The following GTF2IRD2 variants were observed in gnomAD, a reference collection of about 807,000 sequenced individuals.
The protein encoded by GTF2IRD2 is GTF2I repeat domain containing 2.
GTF2IRD2 carries 8 observed loss-of-function variants against 49.2 expected under a neutral mutation model. That is an observed-to-expected ratio of 0.16 (90% confidence interval 0.10 to 0.29). GTF2IRD2 has a LOEUF of 0.29. GTF2IRD2 is among the 10% of genes least tolerant of loss of function. GTF2IRD2 has a pLI of 1.00. For missense variants in GTF2IRD2, 130 were observed against 725.7 expected (o/e 0.18, Z 9.43); for synonymous variants, 47 against 289.7 (o/e 0.16, Z 8.51).
intron 1 of GTF2IRD2, among the ~76,000 whole-genome samples, chr7:74,842,623 T>C (rs1396635998): frequency 4.1e-5 from 6 of 145,002 alleles, no homozygotes; most frequent in African/African-American, 1.6e-4. Flanking sequence ...TGGAGTACAG[T>C]GGTGCAATCA....
intron 1 of GTF2IRD2, among the ~76,000 whole-genome samples, chr7:74,841,037 C>T (rs1224264593): frequency 7.3e-5 from 9 of 123,426 alleles, no homozygotes; most frequent in Admixed American, 1.7e-4. Flanking sequence ...TCAGTAGAGA[C>T]GGGGTTTCAC....
intron 2 of GTF2IRD2, among the ~76,000 whole-genome samples, chr7:74,835,956 G>A (rs2131787229): frequency 7.9e-6 from 1 of 126,924 alleles, no homozygotes; most frequent in East Asian, 2.0e-4. Context: ...CTGCACTCCA[G>A]CCTGGGCAGC....
At chr7:74,822,526 T>G in intron 5 of GTF2IRD2, 71 bp from the exon 6 acceptor site, 1 of 631,402 alleles carries the variant, frequency 1.6e-6, no homozygotes, top group South Asian at 1.8e-5. Flanking sequence ...AACAGTCAGC[T>G]CTGAAACGCA....
chr7:74,810,820 A>G, intron 10 of GTF2IRD2, 76 bp downstream of exon 10: 1 of 469,756 alleles, frequency 2.1e-6, no homozygotes. Context: ...AAAAAAAAGT[A>G]TGTTCTTTGT....
chr7:74,826,889 T>G (rs1467030700), intron 3 of GTF2IRD2, among the ~76,000 whole-genome samples: 4 of 150,546 alleles, frequency 2.7e-5, no homozygotes, highest in African/African-American at 4.9e-5. Context: ...CTTTTATAAT[T>G]TTAGTAGAGA....
At chr7:74,814,038 TC>T (rs1554417944) in intron 8 of GTF2IRD2, among the ~76,000 whole-genome samples, 1 of 70,464 alleles carries the variant, frequency 1.4e-5, no homozygotes, top group African/African-American at 3.2e-5. Context: ...ATCCCATGCT[TC>T]TTTTCTAGAA....
chr7:74,815,437 G>A (rs1433642694), intron 8 of GTF2IRD2, among the ~76,000 whole-genome samples: 4 of 85,104 alleles, frequency 4.7e-5, no homozygotes, highest in African/African-American at 1.2e-4. Flanking sequence ...GGGCGACAGC[G>A]AGACTCTGTC....
At chr7:74,813,372 C>T (rs1313758849) in intron 8 of GTF2IRD2, among the ~76,000 whole-genome samples, 1 of 17,892 alleles carries the variant, frequency 5.6e-5, no homozygotes, top group African/African-American at 2.4e-4. Flanking sequence ...AGCGAGACTC[C>T]ATCTCAAAAA....
At chr7:74,822,146 A>G in intron 6 of GTF2IRD2, 1 of 297,500 alleles carries the variant, frequency 3.4e-6, no homozygotes. Flanking sequence ...TCCCGGGTTC[A>G]CGCCATTCTC....
chr7:74,818,730 G>A (rs2529364), intron 8 of GTF2IRD2: 2 of 149,786 alleles, frequency 1.3e-5, no homozygotes, highest in Non-Finnish European at 2.9e-5. Flanking sequence ...AGTTACAGTC[G>A]TGAGCCCGCA....
At chr7:74,815,816 AAG>A (rs1375060224) in intron 8 of GTF2IRD2, among the ~76,000 whole-genome samples, 2 of 104,824 alleles carry the variant, frequency 1.9e-5, no homozygotes, top group Non-Finnish European at 4.1e-5. Context: ...GAAAGAAAGA[AAG>A]AAAGAAAGAA....
chr7:74,830,482 C>T lies in GTF2IRD2; in HGVS notation c.238+2323G>A, dbSNP rs371079798. 1.2e-3 allele frequency among the ~76,000 whole-genome samples: 176 copies of T among 143,968 alleles called. 6 individuals carry two copies. In the East Asian group the frequency reaches 0.032, roughly 26 times the overall value. The allele number at this position is 143,968 out of a possible 152,430, so 94.4% of individuals were successfully genotyped here. The stretch of plus-strand genomic sequence containing the variant: ...TCATGCCATTGCACTCCAGCCTGTC[C>T]GAAAGGGCAAAACTCTGTCTCAAAA... On this transcript the variant is annotated intron_variant, in intron 3 of 15. Transcript: ENST00000451013.
At chr7:74,826,757 G>GC (rs1554419755) in intron 3 of GTF2IRD2, among the ~76,000 whole-genome samples, 1 of 105,194 alleles carries the variant, frequency 9.5e-6, no homozygotes, top group African/African-American at 4.0e-5. Flanking sequence ...TGTTGCCTAA[G>GC]CTGGAGTGCA....
In GTF2IRD2 at chr7:74,819,900, C is replaced by A. The variant is rs1310147039; in HGVS notation, c.626+69G>T. 1.6e-5 allele frequency: 25 copies of A among 1,565,168 alleles called. No individual in the cohort carries two copies. The Middle Eastern group carries it at 9.1e-4, about 57-fold the overall frequency. The stretch of plus-strand genomic sequence containing the variant: ...ACTCCACTTAAATGCTGTAAGGAGG[C>A]CTTTCTGTCATCCAAAAACGAACGC... On this transcript the variant is annotated intron_variant, in intron 7 of 15. Transcript: ENST00000451013.
At position 74,815,864 on chromosome 7, in the gene GTF2IRD2, AAG is replaced by A. The variant is rs1334074407; in HGVS notation, c.671-3050_671-3049del. Among the ~76,000 whole-genome samples, 128 of 89,450 alleles carry A rather than the reference AAG, an allele frequency of 1.4e-3. 1 individual carries two copies. Among genetic ancestry groups the A allele is most frequent in the African/African-American group, 3.4e-3 (73 of 21,580 alleles). 58.7% of individuals were successfully genotyped at this position (89,450 alleles called of 152,430 possible). On this transcript the variant is annotated intron_variant, in intron 8 of 15. Transcript: ENST00000451013. ...AAAGAAAGAAAGAAAGAAAGAAAGAAAGAGAAAATAAATTAAAACCAGGGAGA... is the reference window on the plus strand; with the variant it reads ...AAAGAAAGAAAGAAAGAAAGAAAGAAAGAAAATAAATTAAAACCAGGGAGA...
chr7:74,825,831 C>G (rs1193213056), intron 3 of GTF2IRD2, among the ~76,000 whole-genome samples: 1 of 142,260 alleles, frequency 7.0e-6, no homozygotes, highest in Non-Finnish European at 1.5e-5. Context: ...GACAGAGTCT[C>G]GCTGTGTCAC....
chr7:74,822,315 G>T (rs1431652787), intron 6 of GTF2IRD2, 112 bp downstream of exon 6: 2 of 1,137,446 alleles, frequency 1.8e-6, no homozygotes, highest in East Asian at 2.4e-5. Flanking sequence ...CTCCCAAAGT[G>T]CTGGGATTAC....
intron 5 of GTF2IRD2, 47 bp from the exon 6 acceptor site, chr7:74,822,502 G>C (rs1554418834): frequency 1.4e-6 from 1 of 698,802 alleles, no homozygotes; most frequent in Admixed American, 2.5e-5. Context: ...AATGAAAAAA[G>C]CATGACACAT....
chr7:74,813,412 G>A (rs1861011), intron 8 of GTF2IRD2, among the ~76,000 whole-genome samples: 1 of 54,744 alleles, frequency 1.8e-5, no homozygotes, highest in Admixed American at 2.7e-4. Context: ...AGGAAGGAGA[G>A]GAGGATGAAG....
Sources: gnomAD v4.1 joint callset for allele counts (sites outside exome capture counted in the v4.1 genomes callset) on GRCh38, gnomAD v4.1.1 for gene constraint, MANE v1.5 for transcripts, NCBI Gene and HGNC (gene_info 2026-07-23, HGNC 2026-07-21) for gene names.